Variants in NMT1 observed in about 807,000 individuals in gnomAD.
NMT1 encodes N-myristoyltransferase 1.
A neutral mutation model predicts 63.4 loss-of-function variants in NMT1; 12 were observed. The ratio of observed to expected loss-of-function variants is 0.19; its 90% confidence interval spans 0.12 to 0.31. The LOEUF (loss-of-function observed/expected upper bound fraction) is 0.31, where lower values mean the gene tolerates loss of function less well. Ranked by LOEUF, NMT1 falls within the 10% of genes least tolerant of loss-of-function variation. The pLI is 1.00. For missense variants in NMT1, 432 were observed against 634.6 expected, an observed-to-expected ratio of 0.68 and a Z score of 3.43; for synonymous variants, 228 against 234.3, an observed-to-expected ratio of 0.97 and a Z score of 0.25.
At chr17:45,096,061 G>T in intron 4 of NMT1, 133 bp from the exon 5 acceptor site, 2 of 677,718 alleles carry the variant, frequency 3.0e-6, no homozygotes, top group Non-Finnish European at 5.3e-6. Context: ...CCAGGGGGCA[G>T]AAGGATTTGT....
intron 3 of NMT1, among the ~76,000 whole-genome samples, chr17:45,092,927 A>G (rs537632647): frequency 3.0e-4 from 46 of 152,290 alleles, no homozygotes; most frequent in African/African-American, 1.0e-3. Context: ...AACCGAAATC[A>G]TCCCAAGGGC....
chr17:45,097,796 C>T (rs113203503), intron 6 of NMT1, among the ~76,000 whole-genome samples: 16,590 of 152,190 alleles, frequency 0.11, 1,013 homozygotes, highest in Middle Eastern at 0.18. Flanking sequence ...AGGCATGCGC[C>T]ACCACACCTG....
intron 8 of NMT1, 101 bp downstream of exon 8, chr17:45,099,614 C>G: frequency 1.2e-6 from 1 of 827,838 alleles, no homozygotes; most frequent in South Asian, 1.4e-5. Flanking sequence ...GGAGCTTTCT[C>G]CTACTGGAAA....
At chr17:45,079,094 T>C (rs559422138) in intron 1 of NMT1, among the ~76,000 whole-genome samples, 1 of 151,428 alleles carries the variant, frequency 6.6e-6, no homozygotes, top group African/African-American at 2.4e-5. Context: ...TTTTCTTTTC[T>C]TTTCTTTTTC....
At chr17:45,101,573 C>T (rs1034807266) in intron 8 of NMT1, among the ~76,000 whole-genome samples, 3 of 140,720 alleles carry the variant, frequency 2.1e-5, no homozygotes, top group Non-Finnish European at 3.0e-5. Context: ...GAGCCGAGAT[C>T]GCACCATTGG....
Position 45,105,869 on chromosome 17 carries a change from C to T in NMT1, c.*230C>T. 1.9e-6 allele frequency: 1 copy of T among 531,174 alleles called. No homozygotes were observed. The highest frequency in any genetic ancestry group is 2.5e-5 in the South Asian group (1 of 40,356). 32.9% of individuals were successfully genotyped at this position (531,174 alleles called of 1,614,324 possible). A position where few individuals can be genotyped will look rare whatever the true frequency, so the allele number is the denominator to read the frequency against. ...GGTCTCCGTGTTTTCCAGTTAATTA[C>T]ATCCTCATGCAGCCGTGATCAAGGG... On this transcript the variant is annotated 3_prime_UTR_variant, in exon 12 of 12. Coordinates refer to ENST00000258960, the MANE Select transcript of NMT1 (RefSeq NM_021079.5). The surrounding 1 kb of genome is among the most constrained non-coding windows in gnomAD (Gnocchi z 4.2).
chr17:45,104,699 A>T lies in NMT1; in HGVS notation c.1333-160A>T. On this transcript the variant is annotated intron_variant, in intron 10 of 11. Transcript: ENST00000258960. This position sits in a 1 kb window ranked among gnomAD's most constrained non-coding sequence, Gnocchi z 4.2. ...GGGCGCTCAGAGTGTCCTGAGAACC[A>T]CCCGGAGAGCGGGGATTAACGTGGA... 6.9e-7 allele frequency: 1 copy of T among 1,452,052 alleles called. No individual in the cohort carries two copies. Among genetic ancestry groups the T allele is most frequent in the Non-Finnish European group, 9.1e-7 (1 of 1,104,958 alleles). 89.9% of individuals were successfully genotyped at this position (1,452,052 alleles called of 1,614,324 possible).
intron 1 of NMT1, among the ~76,000 whole-genome samples, chr17:45,072,622 C>T (rs1356304819): frequency 4.4e-5 from 6 of 137,438 alleles, no homozygotes; most frequent in Non-Finnish European, 7.8e-5. Flanking sequence ...TGCAGTGGTG[C>T]GATCTCAGCT....
chr17:45,081,802 A>G, intron 2 of NMT1, 50 bp downstream of exon 2: 1 of 1,378,736 alleles, frequency 7.3e-7, no homozygotes, highest in Non-Finnish European at 1.0e-6. Flanking sequence ...TTCACATGAG[A>G]GAGTTTTGAG....
At chr17:45,090,849 T>G (rs1351223704) in intron 3 of NMT1, among the ~76,000 whole-genome samples, 1 of 152,058 alleles carries the variant, frequency 6.6e-6, no homozygotes, top group Non-Finnish European at 1.5e-5. Flanking sequence ...GCTGCATTCT[T>G]GCTGTGCTCT....
chr17:45,078,535 A>G (rs898311285), intron 1 of NMT1, among the ~76,000 whole-genome samples: 72 of 152,170 alleles, frequency 4.7e-4, no homozygotes, highest in African/African-American at 1.7e-3. Context: ...AGTAATATTC[A>G]TAATAACTCC....
chr17:45,078,114 G>A (rs2053989183), intron 1 of NMT1, among the ~76,000 whole-genome samples: 1 of 152,166 alleles, frequency 6.6e-6, no homozygotes, highest in South Asian at 2.1e-4. Flanking sequence ...GAGAGGCCCG[G>A]CCAGATGGAA....
rs12103720 is a variant in NMT1, at chr17:45,103,249, C to T, written c.1164+128C>T. Reference sequence around the variant, plus strand: ...CTTGACCATCCGTGTTTGGTCCTCCCTAAAAACAGGGAGTTGGTGCTTGAA... The same window carrying T: ...CTTGACCATCCGTGTTTGGTCCTCCTTAAAAACAGGGAGTTGGTGCTTGAA... On this transcript the variant is annotated intron_variant, in intron 9 of 11. Coordinates refer to ENST00000258960, the MANE Select transcript of NMT1 (RefSeq NM_021079.5). The surrounding 1 kb of genome is among the most constrained non-coding windows in gnomAD (Gnocchi z 4.8). The T allele has an allele frequency of 0.2, 175,289 of 882,680 alleles. 19,159 individuals are homozygous for T. Among genetic ancestry groups the T allele is most frequent in the African/African-American group, 0.33 (19,762 of 59,814 alleles). The allele number at this position is 882,680 out of a possible 1,614,324, so 54.7% of individuals were successfully genotyped here. A position where few individuals can be genotyped will look rare whatever the true frequency, so the allele number is the denominator to read the frequency against.
chr17:45,078,871 C>G (rs1253836851), intron 1 of NMT1, among the ~76,000 whole-genome samples: 2 of 152,016 alleles, frequency 1.3e-5, no homozygotes, highest in Non-Finnish European at 2.9e-5. Flanking sequence ...CCATGTTGCC[C>G]AGGCTGGTCT....
At position 45,086,558 on chromosome 17, in the gene NMT1, G is replaced by A. The variant is rs2054055973; in HGVS notation, c.291G>A (p.Glu97=). 6.2e-7 allele frequency: 1 copy of A among 1,613,532 alleles called. No homozygotes were observed. The highest frequency in any genetic ancestry group is 1.7e-5 in the Admixed American group (1 of 59,928). ...TCCAGGAAATACAGAAGGCCATTGA[G>A]CTGTTCTCAGTGGGTCAGGGACCTG... ...ERIQEIQKAI[E]LFSVGQGPAK... is the part of the protein sequence containing the mutation. Residue 97 remains glutamate (E), a synonymous_variant, in exon 3 of 12, where the codon GAG becomes GAA. Coordinates refer to ENST00000258960, the MANE Select transcript of NMT1 (RefSeq NM_021079.5).
intron 3 of NMT1, among the ~76,000 whole-genome samples, chr17:45,092,351 G>A (rs554983607): frequency 6.6e-6 from 1 of 151,890 alleles, no homozygotes; most frequent in Admixed American, 6.6e-5. Flanking sequence ...GGTGTCGTGT[G>A]CTGCAGCCTG....
At chr17:45,068,265 A>T (rs1195984962) in intron 1 of NMT1, among the ~76,000 whole-genome samples, 2 of 152,232 alleles carry the variant, frequency 1.3e-5, no homozygotes, top group Admixed American at 6.6e-5. Flanking sequence ...TGAGGTCAGG[A>T]GTTCGAGACC....
chr17:45,070,311 C>T (rs573446186), intron 1 of NMT1, among the ~76,000 whole-genome samples: 6 of 152,140 alleles, frequency 3.9e-5, no homozygotes, highest in Admixed American at 2.0e-4. Flanking sequence ...AGTGCAGTGG[C>T]GTAATCTCGG....
chr17:45,081,763 G>A lies in NMT1; in HGVS notation c.240+11G>A. The A allele has an allele frequency of 6.5e-7, 1 of 1,540,122 alleles. No homozygotes were observed. The highest frequency in any genetic ancestry group is 8.8e-7 in the Non-Finnish European group (1 of 1,142,486). ...GATCAGCCTGTGAAGGTAACAAGGA[G>A]GTTCTGTTTTTTGTGACTCAGTCAC... On this transcript the variant is annotated intron_variant, in intron 2 of 11. Coordinates refer to ENST00000258960, the MANE Select transcript of NMT1 (RefSeq NM_021079.5).
Sources: allele counts gnomAD v4.1 joint callset (sites outside exome capture counted in the v4.1 genomes callset), GRCh38; gene constraint gnomAD v4.1.1; non-coding constraint Gnocchi (gnomAD v3.1); transcripts MANE v1.5; gene names NCBI Gene and HGNC (gene_info 2026-07-23, HGNC 2026-07-21).